RAP1GAP2: variants seen among roughly 807,000 people sequenced by gnomAD.
RAP1GAP2 encodes rap1 GTPase-activating protein 2.
Under a neutral mutation model 95.0 loss-of-function variants are expected in RAP1GAP2, and 27 were observed. The observed-to-expected ratio is 0.28, with a 90% confidence interval of 0.21 to 0.39. The LOEUF (loss-of-function observed/expected upper bound fraction) is 0.39. RAP1GAP2 is among the 10% of genes least tolerant of loss of function. The probability of loss-of-function intolerance (pLI) is 1.00; values close to 1 mark genes in which losing one functional copy is unlikely to be tolerated. For missense variants in RAP1GAP2, 771 were observed against 970.0 expected (o/e 0.79, Z 2.72); for synonymous variants, 373 against 380.9 (o/e 0.98, Z 0.24).
chr17:2,812,170 A>C (rs906096820), intron 2 of RAP1GAP2, among the ~76,000 whole-genome samples: 2 of 152,086 alleles, frequency 1.3e-5, no homozygotes, highest in African/African-American at 4.8e-5. Context: ...GCTGACTCCC[A>C]AGTCCCTCTC....
At chr17:2,925,086 G>T (rs1156267411) in intron 3 of RAP1GAP2, among the ~76,000 whole-genome samples, 1 of 152,228 alleles carries the variant, frequency 6.6e-6, no homozygotes, top group African/African-American at 2.4e-5. Flanking sequence ...GGAGAGCTGG[G>T]CTGTGGGAGA....
intron 2 of RAP1GAP2, among the ~76,000 whole-genome samples, chr17:2,892,343 A>C (rs2073752816): frequency 6.6e-6 from 1 of 152,130 alleles, no homozygotes; most frequent in Non-Finnish European, 1.5e-5. Flanking sequence ...TGTTATGGTG[A>C]GACAACAGCC....
upstream of RAP1GAP2, among the ~76,000 whole-genome samples, chr17:2,776,310 G>GT (rs1452510803): frequency 6.6e-6 from 1 of 152,220 alleles, no homozygotes; most frequent in Non-Finnish European, 1.5e-5. Flanking sequence ...GAGCCCCAGA[G>GT]TATCTTCCTC....
At chr17:2,846,696 T>A (rs1414732657) in intron 2 of RAP1GAP2, among the ~76,000 whole-genome samples, 4 of 152,200 alleles carry the variant, frequency 2.6e-5, no homozygotes, top group African/African-American at 9.7e-5. Flanking sequence ...TATTCCCATT[T>A]TACAGATGAA....
In RAP1GAP2 at chr17:2,941,668, G is replaced by GTTT. The variant is rs59002572; in HGVS notation, c.166-16077_166-16075dup. Among the ~76,000 whole-genome samples the GTTT allele has an allele frequency of 3.3e-3, 454 of 135,904 alleles. 13 individuals carry two copies. The East Asian group carries it at 0.052, about 16-fold the overall frequency. 89.2% of individuals were successfully genotyped at this position (135,904 alleles called of 152,430 possible). On this transcript the variant is annotated intron_variant, in intron 3 of 24. Transcript: ENST00000254695. ...TCAAGACATCAGTGATGACTCTTGG[G>GTTT]TTTTTTTTTTTTTTTTGAGACAGAG...
At position 2,903,389 on chromosome 17, in the gene RAP1GAP2, G is replaced by C. The variant is rs982205195; in HGVS notation, c.81-1895G>C. Among the ~76,000 whole-genome samples the C allele has an allele frequency of 6.6e-6, 1 of 152,216 alleles. No individual in the cohort carries two copies. Among genetic ancestry groups the C allele is most frequent in the Admixed American group, 6.5e-5 (1 of 15,288 alleles). On this transcript the variant is annotated intron_variant, in intron 2 of 24. Transcript: ENST00000254695. This position sits in a 1 kb window ranked among gnomAD's most constrained non-coding sequence, Gnocchi z 4.1. ...CACAGGCAGGTGAGTGTCTGGCAGA[G>C]CAGCCAGACTGGAGCCTACGGTGGT...
chr17:2,902,373 T>G lies in RAP1GAP2; in HGVS notation c.81-2911T>G, dbSNP rs1449421733. Among the ~76,000 whole-genome samples the G allele has an allele frequency of 6.6e-6, 1 of 152,160 alleles. No homozygotes were observed. Among genetic ancestry groups the G allele is most frequent in the East Asian group, 1.9e-4 (1 of 5,196 alleles). On this transcript the variant is annotated intron_variant, in intron 2 of 24. Transcript: ENST00000254695. The surrounding 1 kb of genome is among the most constrained non-coding windows in gnomAD (Gnocchi z 4.1). ...CTCGGATGACAGGCACACGCCACCATGCCTGGCTAATTTTTGTATTTTTAG... is the reference window on the plus strand; with the variant it reads ...CTCGGATGACAGGCACACGCCACCAGGCCTGGCTAATTTTTGTATTTTTAG...
In RAP1GAP2 at chr17:2,977,036, C is replaced by T. The variant is rs189148845; in HGVS notation, c.597-3251C>T. Among the ~76,000 whole-genome samples, 1,341 of 149,836 alleles carry T rather than the reference C, an allele frequency of 8.9e-3. 10 individuals are homozygous for T. The highest frequency in any genetic ancestry group is 0.013 in the Non-Finnish European group (910 of 67,686). ...CCTGTAATTCCAGCTACTCGGGAGG[C>T]GGAGGCAGGAGAATCACTTGAACCT... On this transcript the variant is annotated intron_variant, in intron 8 of 24. Coordinates refer to ENST00000254695, the MANE Select transcript of RAP1GAP2 (RefSeq NM_015085.5).
At position 2,790,963 on chromosome 17, in the gene RAP1GAP2, G is replaced by A. The variant is rs554489932; in HGVS notation, c.-13-9552G>A. Among the ~76,000 whole-genome samples the A allele has an allele frequency of 3.9e-5, 6 of 152,360 alleles. No individual in the cohort carries two copies. The South Asian group carries it at 1.2e-3, about 32-fold the overall frequency. On this transcript the variant is annotated intron_variant, in intron 1 of 24. Transcript: ENST00000540393. ...CTCACGCCTGTAATCCCAGCACTTT[G>A]GGAGGCTGAGGTGGACGGATCTTTT... is the stretch of plus-strand genomic sequence containing the variant.
chr17:3,009,604 A>G (rs1032469598), intron 17 of RAP1GAP2, among the ~76,000 whole-genome samples: 2 of 152,082 alleles, frequency 1.3e-5, no homozygotes, highest in African/African-American at 4.8e-5. Flanking sequence ...TCAGTCCCCC[A>G]CTGCCCGGCT....
intron 2 of RAP1GAP2, among the ~76,000 whole-genome samples, chr17:2,812,296 C>T (rs1257789141): frequency 6.6e-6 from 1 of 152,184 alleles, no homozygotes; most frequent in African/African-American, 2.4e-5. Flanking sequence ...CTTTCAGATC[C>T]AGTTCTTTTC....
At chr17:2,935,513 C>T (rs953613440) in intron 3 of RAP1GAP2, among the ~76,000 whole-genome samples, 3 of 152,138 alleles carry the variant, frequency 2.0e-5, no homozygotes, top group South Asian at 2.1e-4. Context: ...GTCACACACA[C>T]ACACACACAA....
Position 3,004,225 on chromosome 17 carries a change from C to T in RAP1GAP2, c.1201-1144C>T, listed in dbSNP as rs1011453824. On this transcript the variant is annotated intron_variant, in intron 14 of 24. Transcript: ENST00000254695. This position sits in a 1 kb window ranked among gnomAD's most constrained non-coding sequence, Gnocchi z 4.1. ...AGCCAGAAATCACGTCAGCCGAACG[C>T]GCACCATTTCCTGACTCGGGGCACT... Among the ~76,000 whole-genome samples, 29 of 152,238 alleles carry T rather than the reference C, an allele frequency of 1.9e-4. No individual in the cohort carries two copies. The highest frequency in any genetic ancestry group is 1.0e-3 in the Admixed American group (16 of 15,290).
intron 2 of RAP1GAP2, among the ~76,000 whole-genome samples, chr17:2,806,471 C>T (rs972591273): frequency 3.6e-4 from 54 of 151,096 alleles, no homozygotes; most frequent in African/African-American, 1.2e-3. Context: ...CGGCTCACTG[C>T]AACCTCCACC....
intron 2 of RAP1GAP2, among the ~76,000 whole-genome samples, chr17:2,885,268 G>A (rs1429109544): frequency 2.6e-5 from 4 of 151,908 alleles, no homozygotes; most frequent in Non-Finnish European, 2.9e-5. Flanking sequence ...TCCTGACCTC[G>A]TGATCCACCC....
upstream of RAP1GAP2, among the ~76,000 whole-genome samples, chr17:2,795,473 C>T (rs920554064): frequency 6.6e-6 from 1 of 152,188 alleles, no homozygotes; most frequent in African/African-American, 2.4e-5. Flanking sequence ...GAGATGAGGA[C>T]GAACCCTGCG....
intron 2 of RAP1GAP2, among the ~76,000 whole-genome samples, chr17:2,844,530 A>T (rs2071503139): frequency 6.6e-6 from 1 of 152,226 alleles, no homozygotes; most frequent in Admixed American, 6.5e-5. Context: ...AAGCTTGCAC[A>T]TTGCAGACCT....
intron 2 of RAP1GAP2, among the ~76,000 whole-genome samples, chr17:2,809,128 C>T (rs1051175425): frequency 1.1e-4 from 17 of 152,174 alleles, no homozygotes; most frequent in African/African-American, 3.6e-4. Context: ...TCCTCCTGGC[C>T]AGTCCCTGCC....
intron 2 of RAP1GAP2, among the ~76,000 whole-genome samples, chr17:2,807,139 C>T (rs865882417): frequency 6.6e-6 from 1 of 152,224 alleles, no homozygotes; most frequent in East Asian, 1.9e-4. Context: ...TCAGGTGATC[C>T]GCCTGCCTCG....
Sources: allele counts gnomAD v4.1 joint callset (sites outside exome capture counted in the v4.1 genomes callset), GRCh38; gene constraint gnomAD v4.1.1; non-coding constraint Gnocchi (gnomAD v3.1); transcripts MANE v1.5; gene names NCBI Gene and HGNC (gene_info 2026-07-23, HGNC 2026-07-21).